ZNF277: variants seen among roughly 807,000 people sequenced by gnomAD.
ZNF277 encodes nuclear receptor-interacting factor 4.
ZNF277 carries 55 observed loss-of-function variants against 60.7 expected under a neutral mutation model. The ratio of observed to expected loss-of-function variants is 0.91; its 90% CI spans 0.73 to 1.13. The LOEUF is 1.13. Among genes scored for constraint, ZNF277 ranks in the 50% most tolerant of loss-of-function variants. ZNF277 has a pLI of 0.00. For missense variants in ZNF277, 510 were observed against 523.0 expected (o/e 0.98, Z 0.24); for synonymous variants, 178 against 179.3 (o/e 0.99, Z 0.06).
At chr7:112,213,032 C>G (rs1265911033) in intron 1 of ZNF277, among the ~76,000 whole-genome samples, 1 of 152,044 alleles carries the variant, frequency 6.6e-6, no homozygotes, top group African/African-American at 2.4e-5. Flanking sequence ...TGGCTGTGTC[C>G]CCACCCAAAT....
intron 1 of ZNF277, among the ~76,000 whole-genome samples, chr7:112,281,219 G>A (rs1048077646): frequency 2.0e-5 from 3 of 152,180 alleles, no homozygotes; most frequent in African/African-American, 7.2e-5. Flanking sequence ...GTGGTCTAGG[G>A]ACTACGGCTT....
chr7:112,226,725 A>AT (rs1822185504), intron 1 of ZNF277, among the ~76,000 whole-genome samples: 1 of 152,106 alleles, frequency 6.6e-6, no homozygotes, highest in African/African-American at 2.4e-5. Flanking sequence ...GGTTAGTTGG[A>AT]TTTTTTTATA....
intron 1 of ZNF277, among the ~76,000 whole-genome samples, chr7:112,229,513 A>G (rs535125494): frequency 1.3e-5 from 2 of 152,318 alleles, no homozygotes; most frequent in African/African-American, 4.8e-5. Context: ...TTATATGGCC[A>G]TGTGGGTCTT....
At chr7:112,313,915 G>C (rs539706141) in intron 4 of ZNF277, among the ~76,000 whole-genome samples, 2 of 152,032 alleles carry the variant, frequency 1.3e-5, no homozygotes, top group Non-Finnish European at 2.9e-5. Flanking sequence ...TGCACCTCGG[G>C]TATAAATGTA....
chr7:112,317,024 C>G (rs1056133675), intron 4 of ZNF277, among the ~76,000 whole-genome samples: 1 of 152,012 alleles, frequency 6.6e-6, no homozygotes, highest in Non-Finnish European at 1.5e-5. Flanking sequence ...AGCTGGAAAC[C>G]ATCATTCTCA....
rs562194095 is a variant in ZNF277 at position 112,335,933 on chromosome 7, T to C, written c.802-171T>C. ...CATTAAGTCAAAAAAAAGTGTTGAATCAAACCATCATAAGTTGGGCCATCT... is the reference window on the plus strand; with the variant it reads ...CATTAAGTCAAAAAAAAGTGTTGAACCAAACCATCATAAGTTGGGCCATCT... On this transcript the variant is annotated intron_variant, in intron 7 of 11. Coordinates refer to ENST00000361822, the MANE Select transcript of ZNF277 (RefSeq NM_021994.3). Among the ~76,000 whole-genome samples, 237 of 152,358 alleles carry C rather than the reference T, an allele frequency of 1.6e-3. 1 individual carries two copies. The highest frequency in any genetic ancestry group is 5.4e-3 in the African/African-American group (224 of 41,586).
chr7:112,287,214 A>G, intron 2 of ZNF277, 140 bp downstream of exon 2: 1 of 763,128 alleles, frequency 1.3e-6, no homozygotes, highest in Non-Finnish European at 2.1e-6. Flanking sequence ...CTCTAAAAAC[A>G]AAATTTAAAA....
intron 2 of ZNF277, among the ~76,000 whole-genome samples, chr7:112,295,276 G>A (rs547489131): frequency 3.9e-5 from 6 of 152,126 alleles, no homozygotes; most frequent in Non-Finnish European, 7.4e-5. Context: ...TTTAGCTGGT[G>A]TGTTGCTTCT....
intron 4 of ZNF277, among the ~76,000 whole-genome samples, chr7:112,300,453 C>T (rs1563220844): frequency 6.6e-6 from 1 of 152,124 alleles, no homozygotes; most frequent in Non-Finnish European, 1.5e-5. Context: ...TTAGTCTTGT[C>T]CAGTGGTTCT....
intron 1 of ZNF277, among the ~76,000 whole-genome samples, chr7:112,280,436 C>G (rs960693699): frequency 6.6e-6 from 1 of 152,104 alleles, no homozygotes; most frequent in Non-Finnish European, 1.5e-5. Flanking sequence ...AGTTGCTGTT[C>G]AAAGTGAGAA....
intron 1 of ZNF277, among the ~76,000 whole-genome samples, chr7:112,238,780 A>T (rs1441492625): frequency 8.3e-6 from 1 of 119,770 alleles, no homozygotes; most frequent in Admixed American, 8.0e-5. Context: ...TGGCTCCTGG[A>T]TGATATTTTT....
intron 3 of ZNF277, 35 bp downstream of exon 3, chr7:112,295,992 C>A: frequency 6.8e-7 from 1 of 1,467,814 alleles, no homozygotes; most frequent in Non-Finnish European, 9.5e-7. Flanking sequence ...CTTTTCCCTA[C>A]AGTATAAAAA....
chr7:112,241,340 C>T (rs533588917), intron 1 of ZNF277, among the ~76,000 whole-genome samples: 13 of 152,084 alleles, frequency 8.5e-5, no homozygotes, highest in Non-Finnish European at 1.3e-4. Flanking sequence ...AAATGGCTTT[C>T]ATGCAAAAGA....
At position 112,238,190 on chromosome 7, in the gene ZNF277, A is replaced by G. The variant is rs922326607; in HGVS notation, c.91+31383A>G. Among the ~76,000 whole-genome samples, 12 of 152,152 alleles carry G rather than the reference A, an allele frequency of 7.9e-5. No individual in the cohort carries two copies. The East Asian group carries it at 1.2e-3, about 15-fold the overall frequency. ...TAGGAAAGACAGTCTTGAATTGTCTAATCTGTCTCTCCCCATCTCTCAGCA... is the reference window on the plus strand; with the variant it reads ...TAGGAAAGACAGTCTTGAATTGTCTGATCTGTCTCTCCCCATCTCTCAGCA... On this transcript the variant is annotated intron_variant, in intron 1 of 11. Transcript: ENST00000361822.
chr7:112,246,965 G>A lies in ZNF277; in HGVS notation c.92-39908G>A, dbSNP rs560302313. ...AGTCATGCCCTGCTACCTGCTTTGA[G>A]TTATGTATTCATCTCTTGAAACTGC... On this transcript the variant is annotated intron_variant, in intron 1 of 11. Transcript: ENST00000361822. Among the ~76,000 whole-genome samples, 234 of 152,292 alleles carry A rather than the reference G, an allele frequency of 1.5e-3. 1 individual carries two copies. The highest frequency in any genetic ancestry group is 2.8e-3 in the Non-Finnish European group (190 of 68,026).
intron 1 of ZNF277, among the ~76,000 whole-genome samples, chr7:112,221,049 C>T (rs148659388): frequency 1.3e-3 from 197 of 152,188 alleles, no homozygotes; most frequent in African/African-American, 4.4e-3. Flanking sequence ...TTGCCACCAT[C>T]GCAGACCCGC....
At chr7:112,263,198 T>C (rs1791472409) in intron 1 of ZNF277, among the ~76,000 whole-genome samples, 1 of 152,196 alleles carries the variant, frequency 6.6e-6, no homozygotes, top group Non-Finnish European at 1.5e-5. Context: ...TAAAGCAGAC[T>C]GCTGATCTTA....
chr7:112,251,198 A>G (rs1791193770), intron 1 of ZNF277, among the ~76,000 whole-genome samples: 1 of 152,098 alleles, frequency 6.6e-6, no homozygotes, highest in African/African-American at 2.4e-5. Context: ...TTCTCTTCTC[A>G]GTTTGCTGCA....
intron 5 of ZNF277, among the ~76,000 whole-genome samples, chr7:112,321,811 G>T (rs559365928): frequency 6.6e-6 from 1 of 152,064 alleles, no homozygotes. Flanking sequence ...ACATTCTACT[G>T]TCTTCTAGTT....
Sources: gnomAD v4.1 joint callset for allele counts (sites outside exome capture counted in the v4.1 genomes callset) on GRCh38, gnomAD v4.1.1 for gene constraint, MANE v1.5 for transcripts, NCBI Gene and HGNC (gene_info 2026-07-23, HGNC 2026-07-21) for gene names.